GREB1L: variants seen among roughly 807,000 people sequenced by gnomAD.
GREB1L encodes GREB1 like retinoic acid receptor coactivator.
Under a neutral mutation model 200.8 loss-of-function variants are expected in GREB1L, and 17 were observed. That is an observed-to-expected ratio of 0.08 (90% CI 0.06 to 0.13). The LOEUF (loss-of-function observed/expected upper bound fraction) is 0.13, where lower values mean the gene tolerates loss of function less well. Ranked by LOEUF, GREB1L falls within the 10% of genes least tolerant of loss-of-function variation. GREB1L has a pLI of 1.00. For synonymous variants in GREB1L, 789 were observed against 893.0 expected (o/e 0.88, Z 2.08); for missense variants, 1,657 against 2,367.7 (o/e 0.70, Z 6.23).
At chr18:21,269,445 T>C (rs1012538331) in intron 1 of GREB1L, among the ~76,000 whole-genome samples, 68 of 152,316 alleles carry the variant, frequency 4.5e-4, no homozygotes, top group Admixed American at 1.8e-3. Flanking sequence ...GAACATGTCT[T>C]ACGGCTTCAT....
rs140416804 is a variant in GREB1L, at chr18:21,276,128, G to T, written c.-120+33735G>T. On this transcript the variant is annotated intron_variant, in intron 1 of 32. Transcript: ENST00000424526. ...TTGGGTCAGGTTTTTACATGCGAAT[G>T]CCTACATAAGACCTGTCCTCTCTTA... Among the ~76,000 whole-genome samples the T allele has an allele frequency of 6.4e-3, 967 of 152,262 alleles. 16 individuals carry two copies. The highest frequency in any genetic ancestry group is 0.022 in the African/African-American group (928 of 41,552).
intron 2 of GREB1L, among the ~76,000 whole-genome samples, chr18:21,380,012 C>G (rs1236748535): frequency 6.6e-6 from 1 of 152,086 alleles, no homozygotes; most frequent in Non-Finnish European, 1.5e-5. Flanking sequence ...TGAGTATAAA[C>G]TTTTTGTAAA....
chr18:21,502,240 G>C (rs1340393615), intron 23 of GREB1L, among the ~76,000 whole-genome samples: 1 of 149,680 alleles, frequency 6.7e-6, no homozygotes, highest in African/African-American at 2.5e-5. Context: ...GACAGAGCGA[G>C]ACTCTGTCTC....
intron 1 of GREB1L, among the ~76,000 whole-genome samples, chr18:21,306,369 T>C (rs1248528376): frequency 6.6e-6 from 1 of 152,230 alleles, no homozygotes; most frequent in African/African-American, 2.4e-5. Flanking sequence ...GGCAAGGGAA[T>C]GAACCTTCTC....
At chr18:21,480,728 T>G (rs2035882448) in intron 17 of GREB1L, among the ~76,000 whole-genome samples, 1 of 152,056 alleles carries the variant, frequency 6.6e-6, no homozygotes, top group Non-Finnish European at 1.5e-5. Context: ...CACAGAAAAC[T>G]GATGGTTTAG....
intron 1 of GREB1L, among the ~76,000 whole-genome samples, chr18:21,276,924 C>CTTTT (rs573871373): frequency 6.5e-5 from 7 of 107,668 alleles, no homozygotes; most frequent in Admixed American, 1.2e-4. Context: ...CAGCCCAGCC[C>CTTTT]TTTTTTTTTT....
At chr18:21,434,571 G>GTATATATATATATA (rs148448547) in intron 7 of GREB1L, among the ~76,000 whole-genome samples, 2 of 136,284 alleles carry the variant, frequency 1.5e-5, no homozygotes, top group African/African-American at 6.0e-5. Context: ...ATATATGTGT[G>GTATATATATATATA]TATATATATA....
intron 14 of GREB1L, chr18:21,452,450 T>TGC (rs2034571999): frequency 2.1e-6 from 1 of 470,434 alleles, no homozygotes; most frequent in Non-Finnish European, 3.7e-6. Flanking sequence ...TCAAAGACTT[T>TGC]ATCTTAAGCA....
chr18:21,521,832 C>T (rs1269116062), intron 32 of GREB1L, among the ~76,000 whole-genome samples: 1 of 151,598 alleles, frequency 6.6e-6, no homozygotes, highest in Non-Finnish European at 1.5e-5. Context: ...TGTGAAACTC[C>T]GTCTCTACTA....
chr18:21,428,381 A>C (rs2032819061), intron 7 of GREB1L, among the ~76,000 whole-genome samples: 1 of 99,832 alleles, frequency 1.0e-5, no homozygotes, highest in Non-Finnish European at 2.0e-5. Context: ...TGAAACTGGA[A>C]GTAGTGGTTT....
chr18:21,268,560 C>CACACACACATATAT (rs1204514384), intron 1 of GREB1L, among the ~76,000 whole-genome samples: 6 of 63,532 alleles, frequency 9.4e-5, no homozygotes, highest in Non-Finnish European at 1.6e-4. Context: ...CACACACACA[C>CACACACACATATAT]ATATATATAT....
intron 1 of GREB1L, among the ~76,000 whole-genome samples, chr18:21,340,140 G>A (rs563630951): frequency 1.3e-5 from 2 of 152,332 alleles, no homozygotes; most frequent in East Asian, 3.9e-4. Flanking sequence ...CATTGGGGCC[G>A]GGTGTGGTGG....
intron 1 of GREB1L, among the ~76,000 whole-genome samples, chr18:21,359,491 G>A (rs182105279): frequency 6.6e-6 from 1 of 152,186 alleles, no homozygotes; most frequent in African/African-American, 2.4e-5. Context: ...ACTCAGTCAA[G>A]TCTTATTCAA....
intron 1 of GREB1L, among the ~76,000 whole-genome samples, chr18:21,245,556 GT>G (rs1400107697): frequency 2.0e-5 from 3 of 151,756 alleles, no homozygotes; most frequent in South Asian, 4.1e-4. Context: ...TTTTCACCCT[GT>G]TTTTTATAAA....
intron 19 of GREB1L, among the ~76,000 whole-genome samples, chr18:21,495,052 T>G (rs192968164): frequency 1.2e-4 from 18 of 152,168 alleles, no homozygotes; most frequent in African/African-American, 4.3e-4. Flanking sequence ...TTTTGTTGTT[T>G]TTTTCTCAAT....
intron 1 of GREB1L, among the ~76,000 whole-genome samples, chr18:21,354,846 A>G (rs537480365): frequency 6.6e-6 from 1 of 152,330 alleles, no homozygotes; most frequent in African/African-American, 2.4e-5. Context: ...ATTGCAAGAT[A>G]AGGCTGGAGA....
rs1568085840 is a variant in GREB1L at position 21,525,489 on chromosome 18, G to A, written c.*2668G>A. 6.6e-6 allele frequency: 1 copy of A among 151,874 alleles called. No homozygotes were observed. The highest frequency in any genetic ancestry group is 1.5e-5 in the Non-Finnish European group (1 of 67,998). 9.4% of individuals were successfully genotyped at this position (151,874 alleles called of 1,614,324 possible). On this transcript the variant is annotated 3_prime_UTR_variant, in exon 33 of 33. Coordinates refer to ENST00000424526, the MANE Select transcript of GREB1L (RefSeq NM_001142966.3). Reference sequence around the variant, plus strand: ...AAACAAGCTCCCTGACTCTGGCAATGTCCTAAAAAGGCTGGAAGTCAGTCA... The same window carrying A: ...AAACAAGCTCCCTGACTCTGGCAATATCCTAAAAAGGCTGGAAGTCAGTCA...
chr18:21,333,701 T>C (rs2039142395), intron 1 of GREB1L, among the ~76,000 whole-genome samples: 1 of 148,962 alleles, frequency 6.7e-6, no homozygotes, highest in South Asian at 2.1e-4. Context: ...AGAATTCTAG[T>C]CTGGGTTTGG....
intron 5 of GREB1L, among the ~76,000 whole-genome samples, chr18:21,397,270 G>A (rs1449281607): frequency 6.6e-6 from 1 of 151,592 alleles, no homozygotes; most frequent in Non-Finnish European, 1.5e-5. Flanking sequence ...CGAGGTGGGC[G>A]GATCATGAGG....
Sources: allele counts gnomAD v4.1 joint callset (sites outside exome capture counted in the v4.1 genomes callset), GRCh38; gene constraint gnomAD v4.1.1; transcripts MANE v1.5; gene names NCBI Gene and HGNC (gene_info 2026-07-23, HGNC 2026-07-21).